PCDHA10: variants seen among roughly 807,000 people sequenced by gnomAD.
The protein encoded by PCDHA10 is protocadherin alpha-10.
PCDHA10 carries 45 observed loss-of-function variants against 61.2 expected under a neutral mutation model. That is an observed-to-expected ratio of 0.74 (90% confidence interval 0.58 to 0.94). The LOEUF is 0.94. Among genes scored for constraint, PCDHA10 ranks in the 40% least tolerant of loss-of-function variants. PCDHA10 has a pLI of 0.00. For synonymous variants in PCDHA10, 602 were observed against 548.8 expected (o/e 1.10, Z -1.35); for missense variants, 1,278 against 1,236.2 (o/e 1.03, Z -0.51).
At chr5:140,858,660 TAAC>T in intron 1 of PCDHA10, 1 of 753,410 alleles carries the variant, frequency 1.3e-6, no homozygotes, top group East Asian at 2.7e-5. Flanking sequence ...TTTTTTTAAA[TAAC>T]AATTTATTCT....
At chr5:140,979,912 G>C (rs1554241237) in intron 2 of PCDHA10, among the ~76,000 whole-genome samples, 2 of 152,248 alleles carry the variant, frequency 1.3e-5, no homozygotes, top group South Asian at 2.1e-4. Flanking sequence ...AGTTCGTAAA[G>C]AGAAAGCCTA....
At chr5:140,988,805 C>T (rs782160959) in intron 3 of PCDHA10, 8 of 152,232 alleles carry the variant, frequency 5.3e-5, no homozygotes, top group African/African-American at 1.4e-4. Context: ...GAATTTCTTC[C>T]GTAACAGTAG....
intron 1 of PCDHA10, among the ~76,000 whole-genome samples, chr5:140,917,059 G>A (rs1174473146): frequency 6.6e-6 from 1 of 152,044 alleles, no homozygotes; most frequent in Non-Finnish European, 1.5e-5. Context: ...TCCCTGCTAC[G>A]ACAGCACCGA....
At chr5:140,969,058 TG>T in intron 1 of PCDHA10, 2 of 1,614,166 alleles carry the variant, frequency 1.2e-6, no homozygotes, top group Non-Finnish European at 1.7e-6. Context: ...ACAACAATAT[TG>T]ATGCCAGGAT....
chr5:140,985,977 G>A (rs1341198195), intron 3 of PCDHA10, among the ~76,000 whole-genome samples: 3 of 151,932 alleles, frequency 2.0e-5, no homozygotes, highest in African/African-American at 7.3e-5. Flanking sequence ...CTGACCTCGT[G>A]ATCCGCCCAC....
chr5:140,929,311 A>G lies in PCDHA10; in HGVS notation c.2389-49638A>G, dbSNP rs782099747. The stretch of plus-strand genomic sequence containing the variant: ...TCGGAATAGGAAAGGGGATCACGCT[A>G]ATGTCAATGCCATGGTAAGCAAATT... On this transcript the variant is annotated intron_variant, in intron 1 of 3. Coordinates refer to ENST00000307360, the MANE Select transcript of PCDHA10 (RefSeq NM_018901.4). The G allele has an allele frequency of 1.9e-6, 3 of 1,567,640 alleles. No individual in the cohort carries two copies. The South Asian group carries it at 3.5e-5, about 18-fold the overall frequency.
chr5:140,894,569 C>CT (rs556288790), intron 1 of PCDHA10, among the ~76,000 whole-genome samples: 36 of 151,446 alleles, frequency 2.4e-4, no homozygotes, highest in African/African-American at 7.5e-4. Context: ...AATTATTTTC[C>CT]TTTTTTTTAA....
chr5:140,870,555 G>A (rs1554164406), intron 1 of PCDHA10: 1 of 1,613,926 alleles, frequency 6.2e-7, no homozygotes, highest in Non-Finnish European at 8.5e-7. Context: ...CGGACGCGCA[G>A]GAGAACGCGC....
chr5:140,959,301 G>A (rs139206577), intron 1 of PCDHA10, among the ~76,000 whole-genome samples: 161 of 152,140 alleles, frequency 1.1e-3, no homozygotes, highest in Non-Finnish European at 1.1e-3. Context: ...CACTGAGCCC[G>A]GTGGTTGAAG....
intron 1 of PCDHA10, chr5:140,927,999 C>T: frequency 6.2e-7 from 1 of 1,614,174 alleles, no homozygotes; most frequent in Non-Finnish European, 8.5e-7. Flanking sequence ...ATGAAGACCT[C>T]GATTCTAATG....
chr5:140,911,040 A>G (rs970284436), intron 1 of PCDHA10, among the ~76,000 whole-genome samples: 15 of 152,034 alleles, frequency 9.9e-5, no homozygotes, highest in Non-Finnish European at 2.2e-4. Context: ...CTAGAAGCAA[A>G]CAGGGGTGGT....
chr5:140,871,699 C>A, intron 1 of PCDHA10: 1 of 891,286 alleles, frequency 1.1e-6, no homozygotes. Context: ...CTTCTTTAAC[C>A]AATAAATGTC....
At chr5:140,967,702 C>T (rs1563368615) in intron 1 of PCDHA10, 3 of 1,614,162 alleles carry the variant, frequency 1.9e-6, no homozygotes, top group Middle Eastern at 3.3e-4. Flanking sequence ...GCATAGATGC[C>T]AGTACCGGGG....
At chr5:140,870,289 C>G in intron 1 of PCDHA10, 1 of 1,614,214 alleles carries the variant, frequency 6.2e-7, no homozygotes, top group Non-Finnish European at 8.5e-7. Flanking sequence ...TCCCTTCAAG[C>G]TGGTGTCCAC....
Position 140,883,957 on chromosome 5 carries a change from G to A in PCDHA10, c.2388+25521G>A, listed in dbSNP as rs879988838. ...TGCTGGACGAGAACGACAACGCTCC[G>A]GCGCTGCTGACGCCCGGGGCTGGCA... On this transcript the variant is annotated intron_variant, in intron 1 of 3. Coordinates refer to ENST00000307360, the MANE Select transcript of PCDHA10 (RefSeq NM_018901.4). 10 of 1,613,246 alleles carry A rather than the reference G, an allele frequency of 6.2e-6. No individual in the cohort carries two copies. In the East Asian group the frequency reaches 1.3e-4, roughly 22 times the overall value.
chr5:140,871,413 C>T (rs2053063966), intron 1 of PCDHA10: 5 of 1,613,884 alleles, frequency 3.1e-6, no homozygotes, highest in Admixed American at 1.7e-5. Context: ...ACCTCATGGC[C>T]TTCAGCCCCA....
intron 1 of PCDHA10, chr5:140,863,140 C>T: frequency 1.6e-6 from 1 of 606,732 alleles, no homozygotes; most frequent in Non-Finnish European, 3.2e-6. Flanking sequence ...CCTGCTGGTG[C>T]TGGTGAAGGA....
In PCDHA10 at chr5:140,857,190, A is replaced by C. The variant is rs782160902; in HGVS notation, c.1142A>C (p.Asn381Thr). The C allele has an allele frequency of 1.3e-5, 21 of 1,598,418 alleles. 2 individuals are homozygous for C. Among genetic ancestry groups the C allele is most frequent in the Non-Finnish European group, 8.6e-7 (1 of 1,167,936 alleles). Residue 381 changes from asparagine to threonine, a missense_variant, in exon 1 of 4, where the codon AAC becomes ACC. Asn to Thr is a moderately conservative substitution (Grantham distance 65). Coordinates refer to ENST00000307360, the MANE Select transcript of PCDHA10 (RefSeq NM_018901.4). Reference sequence around the variant, plus strand: ...GTTTCTGACCATGATTCAGGAGCCAACGGACAGGTCACCTGCTCTCTGACG... The same window carrying C: ...GTTTCTGACCATGATTCAGGAGCCACCGGACAGGTCACCTGCTCTCTGACG... ...ISVSDHDSGA[N>T]GQVTCSLTPH... is the part of the protein sequence containing the mutation.
intron 3 of PCDHA10, 162 bp downstream of exon 3, chr5:140,982,725 A>G (rs2096999365): frequency 1.1e-6 from 1 of 902,882 alleles, no homozygotes; most frequent in African/African-American, 1.8e-5. Flanking sequence ...GATTATTTTG[A>G]TTTTATACCT....
Sources: gnomAD v4.1 joint callset for allele counts (sites outside exome capture counted in the v4.1 genomes callset) on GRCh38, gnomAD v4.1.1 for gene constraint, MANE v1.5 for transcripts, NCBI Gene and HGNC (gene_info 2026-07-23, HGNC 2026-07-21) for gene names.